Variants in DCP2 observed in about 807,000 individuals in gnomAD.
The protein encoded by DCP2 is decapping mRNA 2.
In DCP2, 30 loss-of-function variants were observed where a neutral mutation model predicts 56.1. That is an observed-to-expected ratio of 0.53 (90% CI 0.40 to 0.73). The LOEUF is 0.73. DCP2 is among the 30% of genes least tolerant of loss of function. DCP2 has a pLI of 0.00. For synonymous variants in DCP2, 197 were observed against 163.3 expected, an observed-to-expected ratio of 1.21 and a Z score of -1.57; for missense variants, 533 against 502.7, an observed-to-expected ratio of 1.06 and a Z score of -0.58.
chr5:113,007,680 A>G (rs943245301), intron 8 of DCP2, among the ~76,000 whole-genome samples: 2 of 152,026 alleles, frequency 1.3e-5, no homozygotes, highest in African/African-American at 4.8e-5. Flanking sequence ...TACAGGCATG[A>G]GCCACTGCGC....
chr5:113,007,063 G>C (rs1413503056), intron 8 of DCP2, among the ~76,000 whole-genome samples: 2 of 151,994 alleles, frequency 1.3e-5, no homozygotes, highest in African/African-American at 2.4e-5. Context: ...GCTTGAACTT[G>C]GGAGGTGGAG....
intron 1 of DCP2, among the ~76,000 whole-genome samples, chr5:112,983,635 A>G (rs916806459): frequency 1.3e-5 from 2 of 152,164 alleles, no homozygotes; most frequent in African/African-American, 2.4e-5. Flanking sequence ...GATCAAAAAT[A>G]GACACTGCAA....
intron 4 of DCP2, among the ~76,000 whole-genome samples, chr5:113,000,808 G>T (rs1003841181): frequency 1.3e-5 from 2 of 152,212 alleles, no homozygotes; most frequent in African/African-American, 2.4e-5. Context: ...TTCTGGGAAA[G>T]ATATATAGTT....
At chr5:112,991,451 T>C (rs546541485) in intron 2 of DCP2, among the ~76,000 whole-genome samples, 9 of 152,332 alleles carry the variant, frequency 5.9e-5, no homozygotes, top group African/African-American at 2.2e-4. Context: ...GGGGGAGGCA[T>C]GCCTAGTTTC....
chr5:113,019,447 T>C lies in DCP2; in HGVS notation c.*5963T>C, dbSNP rs1229027137. On this transcript the variant is annotated 3_prime_UTR_variant, in exon 11 of 11. Coordinates refer to ENST00000389063, the MANE Select transcript of DCP2 (RefSeq NM_152624.6). ...GCATTTCACTACTGTTCTAGGGGAC[T>C]GCTGTCTCTTTGGTTCCTTTTAGGT... 6.6e-6 allele frequency: 1 copy of C among 152,240 alleles called. No homozygotes were observed. The highest frequency in any genetic ancestry group is 2.4e-5 in the African/African-American group (1 of 41,466). 9.4% of individuals were successfully genotyped at this position (152,240 alleles called of 1,614,324 possible). A position where few individuals can be genotyped will look rare whatever the true frequency, so the allele number is the denominator to read the frequency against.
At chr5:113,001,915 C>A (rs1005216784) in intron 7 of DCP2, among the ~76,000 whole-genome samples, 2 of 152,016 alleles carry the variant, frequency 1.3e-5, no homozygotes, top group African/African-American at 4.8e-5. Context: ...AGGATACCAA[C>A]TTTTTAGATA....
intron 7 of DCP2, among the ~76,000 whole-genome samples, chr5:113,003,156 C>G (rs1479735132): frequency 1.6e-5 from 1 of 60,736 alleles, no homozygotes; most frequent in African/African-American, 7.8e-5. Flanking sequence ...TAATATTAGT[C>G]AAAAGCTGAC....
At chr5:112,989,631 C>G (rs966854098) in intron 2 of DCP2, among the ~76,000 whole-genome samples, 3 of 152,098 alleles carry the variant, frequency 2.0e-5, no homozygotes, top group African/African-American at 7.2e-5. Flanking sequence ...ATTAAAAAAA[C>G]TTATTTTGGG....
chr5:113,001,741 G>A, intron 7 of DCP2, 67 bp downstream of exon 7: 3 of 1,466,602 alleles, frequency 2.0e-6, no homozygotes, highest in Non-Finnish European at 2.9e-6. Flanking sequence ...ATAGTATTTT[G>A]CTTCTAAAAT....
intron 9 of DCP2, among the ~76,000 whole-genome samples, chr5:113,009,685 A>G (rs1487518550): frequency 6.6e-6 from 1 of 152,192 alleles, no homozygotes; most frequent in Non-Finnish European, 1.5e-5. Context: ...AGATCTGTGC[A>G]GTGGGTTACC....
intron 4 of DCP2, among the ~76,000 whole-genome samples, chr5:113,000,308 T>G (rs563555481): frequency 2.3e-4 from 35 of 150,372 alleles, no homozygotes; most frequent in African/African-American, 8.4e-4. Flanking sequence ...GCTCAAGTGA[T>G]CCTCCCTCTG....
rs758208670 is a variant in DCP2 at position 113,021,599 on chromosome 5, G to A, written c.*8115G>A. 5.3e-4 allele frequency among the ~76,000 whole-genome samples: 81 copies of A among 152,242 alleles called. No homozygotes were observed. Among genetic ancestry groups the A allele is most frequent in the South Asian group, 1.7e-3 (8 of 4,820 alleles). On this transcript the variant is annotated 3_prime_UTR_variant, in exon 11 of 11. Transcript: ENST00000389063. The stretch of plus-strand genomic sequence containing the variant: ...GAATACTTAACTTTGGATCTCAAGG[G>A]GGAAAGAAATACATTCTTTTCCATT...
At chr5:113,006,966 C>T (rs1396602557) in intron 8 of DCP2, among the ~76,000 whole-genome samples, 3 of 151,820 alleles carry the variant, frequency 2.0e-5, no homozygotes, top group Non-Finnish European at 2.9e-5. Flanking sequence ...AAACCTTCAC[C>T]GTCCCTATTA....
chr5:112,988,596 G>T (rs1047291690), intron 2 of DCP2, among the ~76,000 whole-genome samples: 1 of 151,878 alleles, frequency 6.6e-6, no homozygotes, highest in Non-Finnish European at 1.5e-5. Context: ...ATAGTAGTGG[G>T]ACTACAAAGA....
chr5:113,013,736 T>C lies in DCP2; in HGVS notation c.*252T>C. The C allele has an allele frequency of 2.7e-6, 1 of 376,922 alleles. No individual in the cohort carries two copies. Among genetic ancestry groups the C allele is most frequent in the East Asian group, 4.4e-5 (1 of 22,574 alleles). The allele number at this position is 376,922 out of a possible 1,614,324, so 23.3% of individuals were successfully genotyped here. A position where few individuals can be genotyped will look rare whatever the true frequency, so the allele number is the denominator to read the frequency against. ...AAGTTGCTTTCTTTGAGGGCATTTA[T>C]TCTGTGTGACTGTGGGTTTTATTTT... On this transcript the variant is annotated 3_prime_UTR_variant, in exon 11 of 11. Transcript: ENST00000389063.
intron 10 of DCP2, among the ~76,000 whole-genome samples, chr5:113,011,239 G>A (rs913164597): frequency 6.6e-6 from 1 of 152,138 alleles, no homozygotes; most frequent in African/African-American, 2.4e-5. Context: ...AAATTTGTAT[G>A]CCTTTTTTCC....
Position 113,019,907 on chromosome 5 carries a change from T to C in DCP2, c.*6423T>C, listed in dbSNP as rs1429809297. ...TTAAGTGAAGTTCTCTTAATAAGAT[T>C]GCCTTTTGTCTAACCGAAATAGGGC... is the stretch of plus-strand genomic sequence containing the variant. On this transcript the variant is annotated 3_prime_UTR_variant, in exon 11 of 11. Coordinates refer to ENST00000389063, the MANE Select transcript of DCP2 (RefSeq NM_152624.6). 1.3e-5 allele frequency: 2 copies of C among 152,262 alleles called. No homozygotes were observed. Among genetic ancestry groups the C allele is most frequent in the Non-Finnish European group, 2.9e-5 (2 of 68,038 alleles). 9.4% of individuals were successfully genotyped at this position (152,262 alleles called of 1,614,324 possible). A position where few individuals can be genotyped will look rare whatever the true frequency, so the allele number is the denominator to read the frequency against.
Position 113,019,861 on chromosome 5 carries a change from A to C in DCP2, c.*6377A>C, listed in dbSNP as rs1750032731. Reference sequence around the variant, plus strand: ...ATTTCAGAATAAAATAAACGGAATTACAGTTCATGCATTAGCATTTTTAAG... The same window carrying C: ...ATTTCAGAATAAAATAAACGGAATTCCAGTTCATGCATTAGCATTTTTAAG... On this transcript the variant is annotated 3_prime_UTR_variant, in exon 11 of 11. Transcript: ENST00000389063. 1 of 152,256 alleles carries C rather than the reference A, an allele frequency of 6.6e-6. No homozygotes were observed. Among genetic ancestry groups the C allele is most frequent in the Admixed American group, 6.5e-5 (1 of 15,290 alleles). The allele number at this position is 152,256 out of a possible 1,614,324, so 9.4% of individuals were successfully genotyped here.
intron 4 of DCP2, among the ~76,000 whole-genome samples, chr5:112,993,417 G>A (rs1384951774): frequency 1.3e-5 from 2 of 152,102 alleles, no homozygotes; most frequent in East Asian, 3.9e-4. Context: ...CTGAGGTCAG[G>A]AGTTCGAGAC....
Sources: gnomAD v4.1 joint callset for allele counts (sites outside exome capture counted in the v4.1 genomes callset) on GRCh38, gnomAD v4.1.1 for gene constraint, MANE v1.5 for transcripts, NCBI Gene and HGNC (gene_info 2026-07-23, HGNC 2026-07-21) for gene names.